The following SPADH variants were observed in gnomAD, a reference collection of about 807,000 sequenced individuals.
The protein encoded by SPADH is CUB domain-containing protein.
chr10:122,673,909 G>A, the SPADH span, among the ~76,000 whole-genome samples: 1 of 152,162 alleles, frequency 6.6e-6, no homozygotes, highest in East Asian at 1.9e-4. Flanking sequence ...AGCTCCACAT[G>A]GCTGCCTCTG....
the SPADH span, among the ~76,000 whole-genome samples, chr10:122,674,123 G>C: frequency 0.092 from 14,048 of 152,316 alleles, 684 homozygotes; most frequent in Middle Eastern, 0.12. Context: ...GAAAAAGAGG[G>C]AGAGGTGCTG....
At chr10:122,679,187 G>A in the SPADH span, 1 of 209,878 alleles carries the variant, frequency 4.8e-6, no homozygotes, top group African/African-American at 2.3e-5. Context: ...AGCATTGGGT[G>A]AGGGAGAGGG....
the SPADH span, among the ~76,000 whole-genome samples, chr10:122,676,152 T>C: frequency 6.6e-6 from 1 of 152,250 alleles, no homozygotes; most frequent in African/African-American, 2.4e-5. Flanking sequence ...AGCAGTTTCT[T>C]GCGATGCAGG....
the SPADH span, chr10:122,676,813 C>G: frequency 1.0e-6 from 1 of 985,312 alleles, no homozygotes. Context: ...TTCAACTACG[C>G]TGGGCCGAAA....
At chr10:122,676,855 C>T in the SPADH span, 15 of 985,306 alleles carry the variant, frequency 1.5e-5, no homozygotes, top group Non-Finnish European at 1.8e-5. Flanking sequence ...GAGTTGAACC[C>T]CGGGGAGATA....
At chr10:122,677,419 C>A in the SPADH span, among the ~76,000 whole-genome samples, 2 of 150,606 alleles carry the variant, frequency 1.3e-5, no homozygotes, top group Admixed American at 1.3e-4. Flanking sequence ...CCCTGGAAAG[C>A]TCTACACTGA....
chr10:122,674,876 C>T, the SPADH span, among the ~76,000 whole-genome samples: 2 of 152,278 alleles, frequency 1.3e-5, no homozygotes, highest in Non-Finnish European at 1.5e-5. Flanking sequence ...GAGTTAAAAA[C>T]TTTGTCCAAA....
At chr10:122,677,620 C>T in the SPADH span, among the ~76,000 whole-genome samples, 35,659 of 152,074 alleles carry the variant, frequency 0.23, 4,264 homozygotes, top group Admixed American at 0.28. Flanking sequence ...GCATGGAAAC[C>T]ACATTTCCAT....
chr10:122,678,861 G>A, the SPADH span: 4 of 983,854 alleles, frequency 4.1e-6, no homozygotes, highest in Non-Finnish European at 4.8e-6. Flanking sequence ...TTCGCATGTG[G>A]CAAAGAATAC....
At chr10:122,679,471 T>C in the SPADH span, among the ~76,000 whole-genome samples, 2 of 150,428 alleles carry the variant, frequency 1.3e-5, no homozygotes, top group Admixed American at 1.3e-4. Flanking sequence ...GAATATATAA[T>C]CCTAGAAAAT....
the SPADH span, among the ~76,000 whole-genome samples, chr10:122,673,617 A>G: frequency 1.3e-5 from 2 of 152,010 alleles, no homozygotes; most frequent in Non-Finnish European, 2.9e-5. Flanking sequence ...CCTCAGGGAG[A>G]TGTCTTCGTC....
the SPADH span, among the ~76,000 whole-genome samples, chr10:122,674,962 C>A: frequency 6.6e-6 from 1 of 152,222 alleles, no homozygotes; most frequent in Non-Finnish European, 1.5e-5. Flanking sequence ...CCCGCTAGAT[C>A]ATAGCCTGAC....
the SPADH span, chr10:122,676,687 G>T: frequency 1.0e-6 from 1 of 982,238 alleles, no homozygotes; most frequent in Admixed American, 6.2e-5. Flanking sequence ...GGGGCCCCTG[G>T]AATGACACAA....
At chr10:122,673,053 T>G in the SPADH span, 3 of 362,860 alleles carry the variant, frequency 8.3e-6, no homozygotes, top group Non-Finnish European at 1.1e-5. Context: ...AGATACTCTC[T>G]TCCATACAGA....
At chr10:122,678,141 G>A in the SPADH span, among the ~76,000 whole-genome samples, 4 of 152,274 alleles carry the variant, frequency 2.6e-5, no homozygotes, top group South Asian at 2.1e-4. Flanking sequence ...ATACCCCAGA[G>A]AGGCTCCAGC....
At chr10:122,673,022 G>C in the SPADH span, 26,195 of 654,860 alleles carry the variant, frequency 0.04, 674 homozygotes, top group East Asian at 0.12. Context: ...CAAGGAAGAA[G>C]CCCATGGCTG....
At chr10:122,679,021 C>A in the SPADH span, 16 of 985,198 alleles carry the variant, frequency 1.6e-5, no homozygotes, top group Non-Finnish European at 1.8e-5. Context: ...AAATATATTA[C>A]TTTGTTGACG....
the SPADH span, among the ~76,000 whole-genome samples, chr10:122,674,555 A>G: frequency 6.6e-6 from 1 of 151,932 alleles, no homozygotes; most frequent in Admixed American, 6.6e-5. Context: ...CTGTGGGGAG[A>G]CTCTTCTTTG....
chr10:122,677,906 C>A, the SPADH span, among the ~76,000 whole-genome samples: 1 of 152,186 alleles, frequency 6.6e-6, no homozygotes, highest in African/African-American at 2.4e-5. Flanking sequence ...TGAGGAGGGA[C>A]CTGGAATGAA....
Sources: allele counts gnomAD v4.1 joint callset (sites outside exome capture counted in the v4.1 genomes callset), GRCh38; gene constraint gnomAD v4.1.1; transcripts MANE v1.5; gene names NCBI Gene and HGNC (gene_info 2026-07-23, HGNC 2026-07-21).